The following PDE9A variants were observed in gnomAD, a reference collection of about 807,000 sequenced individuals.
PDE9A encodes the protein phosphodiesterase 9A.
In PDE9A, 60 loss-of-function variants were observed where a neutral mutation model predicts 87.4. The observed-to-expected ratio is 0.69, with a 90% CI of 0.56 to 0.85. The LOEUF (loss-of-function observed/expected upper bound fraction) is 0.85, where lower values mean the gene tolerates loss of function less well. Among genes scored for constraint, PDE9A ranks in the 40% least tolerant of loss-of-function variants. PDE9A has a pLI of 0.00. For synonymous variants in PDE9A, 272 were observed against 279.4 expected (o/e 0.97, Z 0.27); for missense variants, 665 against 779.0 (o/e 0.85, Z 1.74).
chr21:42,724,590 C>T (rs561370098), intron 4 of PDE9A: 116 of 985,262 alleles, frequency 1.2e-4, no homozygotes, highest in African/African-American at 4.5e-4. Context: ...TCTAAAGAGG[C>T]GGTTCCGTGA....
intron 1 of PDE9A, among the ~76,000 whole-genome samples, chr21:42,679,147 C>A (rs2059013996): frequency 6.6e-6 from 1 of 152,210 alleles, no homozygotes; most frequent in Non-Finnish European, 1.5e-5. Context: ...CCTGGTTCCT[C>A]CCCACAGGCT....
intron 1 of PDE9A, among the ~76,000 whole-genome samples, chr21:42,663,795 C>G (rs1287041865): frequency 6.6e-6 from 1 of 152,232 alleles, no homozygotes; most frequent in African/African-American, 2.4e-5. Flanking sequence ...AGGCCCCATC[C>G]TATTTCTTCC....
Position 42,744,065 on chromosome 21 carries a change from C to T in PDE9A, c.653+205C>T, listed in dbSNP as rs763801340. Among the ~76,000 whole-genome samples the T allele has an allele frequency of 3.3e-5, 5 of 152,192 alleles. No homozygotes were observed. The South Asian group carries it at 6.2e-4, about 19-fold the overall frequency. The stretch of plus-strand genomic sequence containing the variant: ...GTGACTTTCTTCTAACAAAAGAGCA[C>T]GCATGGGCCGGGTGTGGTGGCTCAC... On this transcript the variant is annotated intron_variant, in intron 8 of 19. Coordinates refer to ENST00000291539, the MANE Select transcript of PDE9A (RefSeq NM_002606.3).
chr21:42,711,587 A>AT (rs1308726716), intron 4 of PDE9A, among the ~76,000 whole-genome samples: 3 of 151,750 alleles, frequency 2.0e-5, no homozygotes, highest in Non-Finnish European at 4.4e-5. Context: ...GGCCCTAATA[A>AT]TTTTTTTTAT....
intron 1 of PDE9A, among the ~76,000 whole-genome samples, chr21:42,662,672 A>C (rs1229495416): frequency 1.4e-5 from 2 of 146,712 alleles, no homozygotes; most frequent in African/African-American, 5.1e-5. Flanking sequence ...CACACCACGC[A>C]CACGCACTGC....
Position 42,739,716 on chromosome 21 carries a change from C to T in PDE9A, c.569-4060C>T, listed in dbSNP as rs1030349768. 9.2e-5 allele frequency among the ~76,000 whole-genome samples: 14 copies of T among 152,146 alleles called. No individual in the cohort carries two copies. The highest frequency in any genetic ancestry group is 7.8e-4 in the Admixed American group (12 of 15,292). On this transcript the variant is annotated intron_variant, in intron 7 of 19. Transcript: ENST00000291539. The surrounding 1 kb of genome is among the most constrained non-coding windows in gnomAD (Gnocchi z 4.1). Reference sequence around the variant, plus strand: ...AATAGGTAGCCAGGGAAGCGGATCTCGGTGGACTCTGCACTGTCAATACAA... The same window carrying T: ...AATAGGTAGCCAGGGAAGCGGATCTTGGTGGACTCTGCACTGTCAATACAA...
chr21:42,773,455 G>C (rs559213968), intron 19 of PDE9A, among the ~76,000 whole-genome samples: 33 of 152,250 alleles, frequency 2.2e-4, no homozygotes, highest in Middle Eastern at 6.8e-3. Context: ...TGTACTTGTT[G>C]ATACTAGTCA....
intron 4 of PDE9A, among the ~76,000 whole-genome samples, chr21:42,731,171 TGGTCTC>T (rs1335212170): frequency 6.6e-6 from 1 of 152,220 alleles, no homozygotes; most frequent in Non-Finnish European, 1.5e-5. Flanking sequence ...TTGGTCAGGC[TGGTCTC>T]GAACTCCCGA....
intron 8 of PDE9A, among the ~76,000 whole-genome samples, chr21:42,748,317 TGTTG>T (rs767995713): frequency 6.6e-6 from 1 of 152,228 alleles, no homozygotes; most frequent in Non-Finnish European, 1.5e-5. Flanking sequence ...TGGTGCATTT[TGTTG>T]GTTGGTTTTG....
At chr21:42,693,345 C>T (rs2059965101) in intron 3 of PDE9A, among the ~76,000 whole-genome samples, 1 of 148,140 alleles carries the variant, frequency 6.8e-6, no homozygotes, top group East Asian at 2.0e-4. Flanking sequence ...GTCGCCCAGG[C>T]TGGAGTGCAG....
intron 3 of PDE9A, chr21:42,697,466 T>C (rs1291726477): frequency 6.2e-7 from 1 of 1,610,212 alleles, no homozygotes; most frequent in Admixed American, 1.7e-5. Context: ...TTTTACCTAG[T>C]AAGGAGTCAT....
In PDE9A at chr21:42,705,419, G is replaced by C. The variant is rs147307584; in HGVS notation, c.262+6408G>C. Among the ~76,000 whole-genome samples, 1 of 152,116 alleles carries C rather than the reference G, an allele frequency of 6.6e-6. No homozygotes were observed. Among genetic ancestry groups the C allele is most frequent in the Non-Finnish European group, 1.5e-5 (1 of 67,988 alleles). On this transcript the variant is annotated intron_variant, in intron 4 of 19. Coordinates refer to ENST00000291539, the MANE Select transcript of PDE9A (RefSeq NM_002606.3). This position sits in a 1 kb window ranked among gnomAD's most constrained non-coding sequence, Gnocchi z 4.3. Reference sequence around the variant, plus strand: ...CAGATCTCAGCTGATGGCGGTTGACGGGTGTCCCCCGAGTGCCCTCGGCTG... The same window carrying C: ...CAGATCTCAGCTGATGGCGGTTGACCGGTGTCCCCCGAGTGCCCTCGGCTG...
At chr21:42,752,615 T>C (rs1428969568) in intron 9 of PDE9A, among the ~76,000 whole-genome samples, 3 of 152,222 alleles carry the variant, frequency 2.0e-5, no homozygotes, top group Non-Finnish European at 4.4e-5. Context: ...TTGGAAAATA[T>C]GCCCCGCGCT....
chr21:42,674,852 A>G (rs370716626), intron 1 of PDE9A, among the ~76,000 whole-genome samples: 1 of 152,216 alleles, frequency 6.6e-6, no homozygotes, highest in African/African-American at 2.4e-5. Flanking sequence ...TTTTTCTCCC[A>G]TGAGAATTTT....
At chr21:42,699,116 T>C in intron 4 of PDE9A, 105 bp downstream of exon 4, 1 of 755,872 alleles carries the variant, frequency 1.3e-6, no homozygotes, top group African/African-American at 1.7e-5. Context: ...TCTAAGCATT[T>C]GAAATATATA....
intron 13 of PDE9A, among the ~76,000 whole-genome samples, 156 bp downstream of exon 13, chr21:42,761,063 C>T (rs2055708321): frequency 6.6e-6 from 1 of 152,264 alleles, no homozygotes; most frequent in Non-Finnish European, 1.5e-5. Context: ...CTCCTGGCTT[C>T]TGGACTTTGC....
intron 4 of PDE9A, among the ~76,000 whole-genome samples, chr21:42,731,466 C>T (rs534485891): frequency 1.3e-5 from 2 of 152,264 alleles, no homozygotes; most frequent in South Asian, 4.2e-4. Flanking sequence ...CCACACCTTC[C>T]TGTGAGGTAT....
In PDE9A at chr21:42,673,795, C is replaced by A. The variant is rs189395741; in HGVS notation, c.70-12397C>A. On this transcript the variant is annotated intron_variant, in intron 1 of 19. Transcript: ENST00000291539. ...CTGTGTGAGGAGGGTCCTGCCTGCA[C>A]CGCTTTGCAGACATGGGCCAGCCTG... Among the ~76,000 whole-genome samples, 20 of 152,296 alleles carry A rather than the reference C, an allele frequency of 1.3e-4. No homozygotes were observed. The East Asian group carries it at 3.7e-3, about 28-fold the overall frequency.
chr21:42,761,762 C>T (rs1023789100), intron 13 of PDE9A, among the ~76,000 whole-genome samples: 8 of 152,210 alleles, frequency 5.3e-5, no homozygotes, highest in Non-Finnish European at 1.0e-4. Context: ...CCTCGTTCTG[C>T]CCACCTGCCT....
Sources: gnomAD v4.1 joint callset for allele counts (sites outside exome capture counted in the v4.1 genomes callset) on GRCh38, gnomAD v4.1.1 for gene constraint, Gnocchi (gnomAD v3.1) non-coding constraint, MANE v1.5 for transcripts, NCBI Gene and HGNC (gene_info 2026-07-23, HGNC 2026-07-21) for gene names.